The following SCAMP1 variants were observed in gnomAD, a reference collection of about 807,000 sequenced individuals.
SCAMP1 encodes secretory carrier-associated membrane protein 1.
Under a neutral mutation model 41.8 loss-of-function variants are expected in SCAMP1, and 15 were observed. That is an observed-to-expected ratio of 0.36 (90% CI 0.24 to 0.55). The LOEUF is 0.55. SCAMP1 is among the 20% of genes least tolerant of loss of function. The pLI is 0.86. For synonymous variants in SCAMP1, 135 were observed against 136.8 expected, an observed-to-expected ratio of 0.99 and a Z score of 0.09; for missense variants, 341 against 412.6, an observed-to-expected ratio of 0.83 and a Z score of 1.50.
At chr5:78,386,169 A>G (rs1342576991) in intron 1 of SCAMP1, among the ~76,000 whole-genome samples, 1 of 152,088 alleles carries the variant, frequency 6.6e-6, no homozygotes, top group Admixed American at 6.6e-5. Context: ...GGATTTTGAT[A>G]TATTCCTGTT....
intron 7 of SCAMP1, among the ~76,000 whole-genome samples, chr5:78,458,508 C>A (rs1753492582): frequency 6.6e-6 from 1 of 151,994 alleles, no homozygotes; most frequent in Non-Finnish European, 1.5e-5. Flanking sequence ...TATGTATATT[C>A]TAGATGTGAA....
At chr5:78,413,718 G>A (rs1033379213) in intron 2 of SCAMP1, among the ~76,000 whole-genome samples, 5 of 152,040 alleles carry the variant, frequency 3.3e-5, no homozygotes, top group East Asian at 1.9e-4. Context: ...GCACCCAGCC[G>A]GTTCTTGCCT....
At chr5:78,431,534 CTTTTTT>C (rs11380148) in intron 6 of SCAMP1, among the ~76,000 whole-genome samples, 2 of 121,262 alleles carry the variant, frequency 1.6e-5, no homozygotes, top group Admixed American at 8.4e-5. Flanking sequence ...TTCTTTTTGC[CTTTTTT>C]TTTTTTTTTT....
chr5:78,394,808 A>G (rs1751608596), intron 2 of SCAMP1, among the ~76,000 whole-genome samples: 1 of 152,168 alleles, frequency 6.6e-6, no homozygotes, highest in African/African-American at 2.4e-5. Context: ...ACATCCTAGT[A>G]TCGTTGGCTA....
chr5:78,382,684 A>T (rs1751234719), intron 1 of SCAMP1, among the ~76,000 whole-genome samples: 1 of 152,010 alleles, frequency 6.6e-6, no homozygotes, highest in Non-Finnish European at 1.5e-5. Context: ...TCCAGTCCTC[A>T]GTTACTTCAC....
At chr5:78,375,116 G>A (rs1561250912) in intron 1 of SCAMP1, among the ~76,000 whole-genome samples, 1 of 151,896 alleles carries the variant, frequency 6.6e-6, no homozygotes, top group Non-Finnish European at 1.5e-5. Flanking sequence ...CTCAGGGGAG[G>A]GCCTCTCAGC....
intron 7 of SCAMP1, among the ~76,000 whole-genome samples, chr5:78,457,417 G>A (rs1320723615): frequency 1.3e-5 from 2 of 151,986 alleles, no homozygotes; most frequent in Admixed American, 6.5e-5. Flanking sequence ...AGGACCCTCA[G>A]CTGCAGGTCT....
intron 1 of SCAMP1, among the ~76,000 whole-genome samples, chr5:78,386,870 C>A (rs1181163813): frequency 6.6e-6 from 1 of 152,124 alleles, no homozygotes; most frequent in Non-Finnish European, 1.5e-5. Flanking sequence ...GATGCTTTTG[C>A]CTCACAGCTC....
intron 2 of SCAMP1, among the ~76,000 whole-genome samples, chr5:78,395,334 C>T (rs1864173): frequency 0.18 from 28,074 of 152,116 alleles, 3,212 homozygotes; most frequent in Admixed American, 0.34. Flanking sequence ...TTGAGACTGA[C>T]TCCCCATTGT....
chr5:78,373,173 C>G (rs1750982673), intron 1 of SCAMP1, among the ~76,000 whole-genome samples: 2 of 152,094 alleles, frequency 1.3e-5, no homozygotes, highest in African/African-American at 4.8e-5. Context: ...TGACACCAGG[C>G]TAAGAACACA....
chr5:78,440,226 C>G (rs1026111233), intron 6 of SCAMP1, among the ~76,000 whole-genome samples: 7 of 152,198 alleles, frequency 4.6e-5, no homozygotes, highest in Admixed American at 2.6e-4. Flanking sequence ...AAGTCATTCT[C>G]CGTTCAGCTT....
At chr5:78,454,122 C>G (rs1753318208) in intron 7 of SCAMP1, among the ~76,000 whole-genome samples, 1 of 152,184 alleles carries the variant, frequency 6.6e-6, no homozygotes, top group Non-Finnish European at 1.5e-5. Context: ...ATCATGTCGT[C>G]TGCAAACAGG....
intron 6 of SCAMP1, among the ~76,000 whole-genome samples, chr5:78,439,999 C>G (rs1752877032): frequency 6.6e-6 from 1 of 152,152 alleles, no homozygotes; most frequent in African/African-American, 2.4e-5. Flanking sequence ...ATCGAATTGG[C>G]TACTGAAGCT....
At chr5:78,394,597 T>C (rs1751602459) in intron 2 of SCAMP1, among the ~76,000 whole-genome samples, 1 of 152,184 alleles carries the variant, frequency 6.6e-6, no homozygotes, top group African/African-American at 2.4e-5. Flanking sequence ...TGGATATAAT[T>C]GTACATAGTA....
chr5:78,397,387 C>CTTAT (rs547435360), intron 2 of SCAMP1, among the ~76,000 whole-genome samples: 101 of 152,276 alleles, frequency 6.6e-4, no homozygotes, highest in Non-Finnish European at 1.2e-3. Flanking sequence ...TAGAAGAAGA[C>CTTAT]ATAAGAGTAA....
intron 1 of SCAMP1, among the ~76,000 whole-genome samples, chr5:78,383,458 T>A (rs1315873795): frequency 6.6e-6 from 1 of 152,188 alleles, no homozygotes; most frequent in Non-Finnish European, 1.5e-5. Flanking sequence ...TATTATCCTT[T>A]TTTGTTGTTG....
At chr5:78,422,090 G>A (rs1468555036) in intron 6 of SCAMP1, 130 bp downstream of exon 6, 1 of 750,118 alleles carries the variant, frequency 1.3e-6, no homozygotes, top group South Asian at 2.2e-5. Flanking sequence ...ATACCTTCAG[G>A]AAAGTTCAAT....
intron 2 of SCAMP1, among the ~76,000 whole-genome samples, chr5:78,398,785 T>TCCC (rs1255904500): frequency 6.6e-6 from 1 of 151,972 alleles, no homozygotes; most frequent in Non-Finnish European, 1.5e-5. Context: ...CTTCAGGTGA[T>TCCC]CCCCCTGCCT....
At chr5:78,415,342 T>C (rs531422216) in intron 2 of SCAMP1, among the ~76,000 whole-genome samples, 178 bp from the exon 3 acceptor site, 1 of 152,264 alleles carries the variant, frequency 6.6e-6, no homozygotes, top group South Asian at 2.1e-4. Context: ...ATGAATGAGT[T>C]GGAGAAAATG....
Sources: allele counts gnomAD v4.1 joint callset (sites outside exome capture counted in the v4.1 genomes callset), GRCh38; gene constraint gnomAD v4.1.1; transcripts MANE v1.5; gene names NCBI Gene and HGNC (gene_info 2026-07-23, HGNC 2026-07-21).